Variants in TOX2 observed in about 807,000 individuals in gnomAD.
TOX2 encodes the protein TOX high mobility group box family member 2, also known as granulosa cell HMG box 1.
TOX2 carries 15 observed loss-of-function variants against 47.4 expected under a neutral mutation model. The ratio of observed to expected loss-of-function variants is 0.32; its 90% CI spans 0.21 to 0.49. The LOEUF is 0.49. Among genes scored for constraint, TOX2 ranks in the 20% least tolerant of loss-of-function variants. The pLI is 0.99. For missense variants in TOX2, 622 were observed against 673.1 expected (o/e 0.92, Z 0.84); for synonymous variants, 290 against 296.6 (o/e 0.98, Z 0.23).
At chr20:43,988,923 C>G (rs764291051) in intron 2 of TOX2, among the ~76,000 whole-genome samples, 6 of 152,182 alleles carry the variant, frequency 3.9e-5, no homozygotes, top group Non-Finnish European at 7.3e-5. Context: ...CCAGGTAACT[C>G]TAATTTATTA....
rs73282681 is a variant in TOX2, at chr20:44,012,742, T to C, written c.411+5950T>C. Among the ~76,000 whole-genome samples, 544 of 152,330 alleles carry C rather than the reference T, an allele frequency of 3.6e-3. 2 individuals carry two copies. Among genetic ancestry groups the C allele is most frequent in the African/African-American group, 0.012 (514 of 41,568 alleles). ...AATTGTTTTGTTAGCAGTGACATAC[T>C]AGACAAGTATATGGATCTGAAGTTC... On this transcript the variant is annotated intron_variant, in intron 3 of 8. Transcript: ENST00000341197.
chr20:43,973,491 C>T, intron 2 of TOX2, 59 bp downstream of exon 2: 1 of 1,545,420 alleles, frequency 6.5e-7, no homozygotes, highest in Non-Finnish European at 8.9e-7. Flanking sequence ...TGGATCTGAG[C>T]TGTTCCTGGG....
intron 2 of TOX2, among the ~76,000 whole-genome samples, chr20:43,983,531 C>G (rs1232535511): frequency 5.3e-5 from 8 of 152,170 alleles, no homozygotes; most frequent in Admixed American, 4.6e-4. Flanking sequence ...AAAGTCACAG[C>G]CTCCTTCCAG....
intron 1 of TOX2, among the ~76,000 whole-genome samples, chr20:43,927,625 C>CTTCTT (rs146262327): frequency 1.2e-5 from 1 of 81,344 alleles, no homozygotes; most frequent in African/African-American, 6.2e-5. Context: ...TCCTTCCTTC[C>CTTCTT]TCCTTCCTTC....
intron 1 of TOX2, among the ~76,000 whole-genome samples, chr20:43,958,840 A>T (rs1245577627): frequency 6.6e-6 from 1 of 152,252 alleles, no homozygotes; most frequent in Non-Finnish European, 1.5e-5. Flanking sequence ...TGGTTTCCCC[A>T]GTGGGATTTG....
chr20:43,972,073 C>A (rs1324381798), intron 1 of TOX2, among the ~76,000 whole-genome samples: 2 of 152,126 alleles, frequency 1.3e-5, no homozygotes, highest in Non-Finnish European at 1.5e-5. Context: ...CACTCAGAAC[C>A]CTTTACTGAC....
chr20:44,026,736 G>A (rs2071074125), intron 3 of TOX2, among the ~76,000 whole-genome samples: 1 of 152,084 alleles, frequency 6.6e-6, no homozygotes, highest in Non-Finnish European at 1.5e-5. Flanking sequence ...AAATTAGGCG[G>A]TAGGAACCAC....
chr20:43,924,459 A>C (rs2069143506), intron 1 of TOX2, among the ~76,000 whole-genome samples: 1 of 152,134 alleles, frequency 6.6e-6, no homozygotes, highest in African/African-American at 2.4e-5. Flanking sequence ...AGGACTCCAG[A>C]TGGGTCTCCA....
chr20:43,990,116 C>T (rs1049656654), intron 2 of TOX2, among the ~76,000 whole-genome samples: 14 of 152,120 alleles, frequency 9.2e-5, no homozygotes, highest in Admixed American at 7.2e-4. Flanking sequence ...ATAACACCTG[C>T]CTCATAGAGT....
At chr20:44,051,685 A>C (rs1471537253) in intron 4 of TOX2, 140 bp downstream of exon 4, 1 of 1,313,174 alleles carries the variant, frequency 7.6e-7, no homozygotes, top group Non-Finnish European at 1.0e-6. Flanking sequence ...TGCCATTCCC[A>C]CTGAGCAGGC....
Position 43,916,984 on chromosome 20 carries a change from G to A in TOX2, c.99+1994G>A, listed in dbSNP as rs373289602. ...CCCGTCAGGGAGGGAATGAGAAGCC[G>A]GCGATTCTGGTTTCTTTCTGTGTGG... On this transcript the variant is annotated intron_variant, in intron 1 of 8. Transcript: ENST00000341197. This position sits in a 1 kb window ranked among gnomAD's most constrained non-coding sequence, Gnocchi z 5.0. Among the ~76,000 whole-genome samples, 5 of 152,188 alleles carry A rather than the reference G, an allele frequency of 3.3e-5. No homozygotes were observed. Among genetic ancestry groups the A allele is most frequent in the South Asian group, 2.1e-4 (1 of 4,828 alleles).
intron 1 of TOX2, among the ~76,000 whole-genome samples, chr20:43,936,573 G>T (rs1307341610): frequency 6.6e-6 from 1 of 152,188 alleles, no homozygotes; most frequent in African/African-American, 2.4e-5. Context: ...GCAGCTGGCA[G>T]TTTGCATGCT....
intron 1 of TOX2, among the ~76,000 whole-genome samples, chr20:43,930,891 C>T (rs6031245): frequency 0.11 from 17,143 of 152,244 alleles, 1,113 homozygotes; most frequent in East Asian, 0.25. Context: ...GGCTTGCAAA[C>T]TGCACTGCCC....
At chr20:44,061,226 T>C (rs1330556411) in intron 5 of TOX2, among the ~76,000 whole-genome samples, 1 of 151,958 alleles carries the variant, frequency 6.6e-6, no homozygotes, top group Non-Finnish European at 1.5e-5. Flanking sequence ...GAGATTGAAA[T>C]GGTAATTAAA....
At chr20:43,985,453 C>G (rs1415214043) in intron 2 of TOX2, among the ~76,000 whole-genome samples, 3 of 152,190 alleles carry the variant, frequency 2.0e-5, no homozygotes, top group African/African-American at 7.2e-5. Context: ...GAACTGGGCT[C>G]AAATGATAAT....
chr20:43,969,587 T>C lies in TOX2; in HGVS notation c.100-3780T>C, dbSNP rs978850719. Reference sequence around the variant, plus strand: ...GGAACCCTCAGTGTCCCCCAACTATTCCTTCATGCCCTCCAAGGGCTCCGA... The same window carrying C: ...GGAACCCTCAGTGTCCCCCAACTATCCCTTCATGCCCTCCAAGGGCTCCGA... On this transcript the variant is annotated intron_variant, in intron 1 of 8. Coordinates refer to ENST00000341197, the MANE Select transcript of TOX2 (RefSeq NM_001098797.2). Among the ~76,000 whole-genome samples the C allele has an allele frequency of 3.3e-5, 5 of 152,218 alleles. No homozygotes were observed. The East Asian group carries it at 9.6e-4, about 29-fold the overall frequency.
At chr20:44,027,649 C>T (rs1006275849) in intron 3 of TOX2, among the ~76,000 whole-genome samples, 10 of 152,290 alleles carry the variant, frequency 6.6e-5, no homozygotes, top group South Asian at 2.1e-4. Context: ...AGTGGCTGGT[C>T]GAGCTCAAAT....
At chr20:44,055,713 G>T (rs2071604812) in intron 5 of TOX2, among the ~76,000 whole-genome samples, 1 of 152,126 alleles carries the variant, frequency 6.6e-6, no homozygotes, top group Admixed American at 6.5e-5. Flanking sequence ...GGGGAAGGTA[G>T]GGTCTGGAGC....
chr20:44,006,807 C>T lies in TOX2; in HGVS notation c.411+15C>T, dbSNP rs1371002133. ...AGCTGCCCACGGTGAGTCCCTATCG[C>T]CTGCTGCAGTTCCTGCTGATGACAG... On this transcript the variant is annotated intron_variant, in intron 3 of 8. Transcript: ENST00000341197. 6 of 1,609,364 alleles carry T rather than the reference C, an allele frequency of 3.7e-6. 1 individual carries two copies. In the South Asian group the frequency reaches 4.4e-5, roughly 12 times the overall value.
Sources: gnomAD v4.1 joint callset for allele counts (sites outside exome capture counted in the v4.1 genomes callset) on GRCh38, gnomAD v4.1.1 for gene constraint, Gnocchi (gnomAD v3.1) non-coding constraint, MANE v1.5 for transcripts, NCBI Gene and HGNC (gene_info 2026-07-23, HGNC 2026-07-21) for gene names.